The following SHISA9 variants were observed in gnomAD, a reference collection of about 807,000 sequenced individuals.
SHISA9 encodes shisa family member 9, also known as protein shisa-9.
SHISA9 carries 13 observed loss-of-function variants against 38.0 expected under a neutral mutation model. That is an observed-to-expected ratio of 0.34 (90% CI 0.22 to 0.54). The LOEUF (loss-of-function observed/expected upper bound fraction) is 0.54. Among genes scored for constraint, SHISA9 ranks in the 20% least tolerant of loss-of-function variants. The pLI is 0.91. For missense variants in SHISA9, 538 were observed against 575.8 expected (o/e 0.93, Z 0.67); for synonymous variants, 275 against 242.0 (o/e 1.14, Z -1.27).
chr16:13,284,932 A>G, the SHISA9 span, among the ~76,000 whole-genome samples: 1 of 152,084 alleles, frequency 6.6e-6, no homozygotes, highest in Non-Finnish European at 1.5e-5. Context: ...TGCTAAACAG[A>G]TGTTGGATCT....
At chr16:13,205,174 A>C (rs2051052366) in intron 3 of SHISA9, among the ~76,000 whole-genome samples, 1 of 152,184 alleles carries the variant, frequency 6.6e-6, no homozygotes, top group Admixed American at 6.5e-5. Context: ...GTTGAGGATA[A>C]GATTCAGACA....
chr16:13,146,327 C>G (rs1473906701), intron 2 of SHISA9, among the ~76,000 whole-genome samples: 1 of 152,050 alleles, frequency 6.6e-6, no homozygotes, highest in Non-Finnish European at 1.5e-5. Flanking sequence ...TAATCCAAGC[C>G]TATTAGGAGG....
the SHISA9 span, among the ~76,000 whole-genome samples, chr16:13,356,444 C>T: frequency 2.6e-5 from 4 of 152,076 alleles, no homozygotes; most frequent in Non-Finnish European, 5.9e-5. Flanking sequence ...CTTGACTGTG[C>T]CTTTAGCTCC....
the SHISA9 span, among the ~76,000 whole-genome samples, chr16:13,463,122 C>T: frequency 6.6e-6 from 1 of 152,102 alleles, no homozygotes; most frequent in Non-Finnish European, 1.5e-5. Context: ...TGCCATTGCA[C>T]TCTGTTTTGT....
chr16:13,438,206 T>A, the SHISA9 span, among the ~76,000 whole-genome samples: 1 of 152,190 alleles, frequency 6.6e-6, no homozygotes, highest in Non-Finnish European at 1.5e-5. Flanking sequence ...TGAGAATATC[T>A]GCAAGGCATT....
At chr16:12,929,940 G>A (rs1479473615) in intron 2 of SHISA9, among the ~76,000 whole-genome samples, 1 of 152,044 alleles carries the variant, frequency 6.6e-6, no homozygotes, top group South Asian at 2.1e-4. Context: ...TTAGGTCTTG[G>A]GTAAACTGTT....
chr16:13,203,416 A>G lies in SHISA9; in HGVS notation c.714A>G (p.Ala238=). ...NNLHATQMNN[A]VPTSPLLQQM... ...CAGATGCCACCCAGATGAACAACGCAGTGCCCACCTCTCCTCTGCTCCAGC... is the reference window on the plus strand; with the variant it reads ...CAGATGCCACCCAGATGAACAACGCGGTGCCCACCTCTCCTCTGCTCCAGC... The change falls in exon 3 of 5, where the codon GCA becomes GCG. Residue 238 remains alanine, a synonymous_variant. Coordinates refer to ENST00000558583, the MANE Select transcript of SHISA9 (RefSeq NM_001145204.3). 1 of 1,543,808 alleles carries G rather than the reference A, an allele frequency of 6.5e-7. No homozygotes were observed. Among genetic ancestry groups the G allele is most frequent in the African/African-American group, 1.4e-5 (1 of 72,764 alleles).
At chr16:13,165,260 C>T (rs2050626030) in intron 2 of SHISA9, among the ~76,000 whole-genome samples, 1 of 152,016 alleles carries the variant, frequency 6.6e-6, no homozygotes, top group African/African-American at 2.4e-5. Context: ...CAGTCATGCT[C>T]TTTTCATATT....
At chr16:13,071,499 C>T (rs2073513721) in intron 2 of SHISA9, among the ~76,000 whole-genome samples, 1 of 151,860 alleles carries the variant, frequency 6.6e-6, no homozygotes. Context: ...CGATTTTAAC[C>T]CTGGCCTTTC....
chr16:13,330,002 G>A, the SHISA9 span, among the ~76,000 whole-genome samples: 12 of 152,166 alleles, frequency 7.9e-5, no homozygotes, highest in Non-Finnish European at 1.3e-4. Flanking sequence ...CTGCCTCCCC[G>A]ACCGATTGTG....
chr16:13,386,873 C>T, the SHISA9 span, among the ~76,000 whole-genome samples: 1 of 152,172 alleles, frequency 6.6e-6, no homozygotes, highest in Non-Finnish European at 1.5e-5. Flanking sequence ...CATTTCCCTA[C>T]TGATGGATAT....
chr16:12,949,476 G>A (rs754787214), intron 2 of SHISA9, among the ~76,000 whole-genome samples: 1 of 152,174 alleles, frequency 6.6e-6, no homozygotes, highest in African/African-American at 2.4e-5. Flanking sequence ...TTTAGAGCAG[G>A]CCTTTCCAAA....
chr16:13,498,532 G>C, the SHISA9 span, among the ~76,000 whole-genome samples: 1 of 152,174 alleles, frequency 6.6e-6, no homozygotes. Context: ...CAAAGTGGGA[G>C]GATCAGCTGA....
chr16:13,117,713 C>T (rs1447846264), intron 2 of SHISA9, among the ~76,000 whole-genome samples: 5 of 152,192 alleles, frequency 3.3e-5, no homozygotes, highest in Non-Finnish European at 5.9e-5. Context: ...CTGCCAACAG[C>T]CCAATTTCAT....
At chr16:13,257,885 A>G in the SHISA9 span, among the ~76,000 whole-genome samples, 1 of 152,256 alleles carries the variant, frequency 6.6e-6, no homozygotes, top group South Asian at 2.1e-4. Context: ...TGGTGACATA[A>G]ACCTGTGCTT....
At chr16:13,284,475 A>C in the SHISA9 span, among the ~76,000 whole-genome samples, 1 of 152,322 alleles carries the variant, frequency 6.6e-6, no homozygotes, top group Non-Finnish European at 1.5e-5. Context: ...ATTGCATTTA[A>C]AATAGTGCCT....
the SHISA9 span, among the ~76,000 whole-genome samples, chr16:13,280,328 C>G: frequency 6.6e-6 from 1 of 151,482 alleles, no homozygotes; most frequent in Non-Finnish European, 1.5e-5. Flanking sequence ...TTCTTTCTAT[C>G]TAATTGCTTT....
the SHISA9 span, among the ~76,000 whole-genome samples, chr16:13,501,589 T>G: frequency 1.3e-5 from 2 of 152,226 alleles, no homozygotes; most frequent in East Asian, 3.8e-4. Flanking sequence ...TTTGTTTGTC[T>G]TTTCATGGCC....
the SHISA9 span, among the ~76,000 whole-genome samples, chr16:13,384,217 G>A: frequency 8.5e-3 from 1,291 of 152,220 alleles, 26 homozygotes; most frequent in African/African-American, 0.03. Context: ...GGAACTACAT[G>A]GGATTAGAGG....
Sources: allele counts gnomAD v4.1 joint callset (sites outside exome capture counted in the v4.1 genomes callset), GRCh38; gene constraint gnomAD v4.1.1; transcripts MANE v1.5; gene names NCBI Gene and HGNC (gene_info 2026-07-23, HGNC 2026-07-21).